OSBPL1A: variants seen among roughly 807,000 people sequenced by gnomAD.
OSBPL1A encodes the protein oxysterol binding protein like 1A.
OSBPL1A carries 80 observed loss-of-function variants against 137.1 expected under a neutral mutation model. The ratio of observed to expected loss-of-function variants is 0.58; its 90% CI spans 0.49 to 0.70. OSBPL1A has a LOEUF of 0.70. Ranked by LOEUF, OSBPL1A falls within the 30% of genes least tolerant of loss-of-function variation. The pLI, the probability that OSBPL1A is intolerant of heterozygous loss-of-function variation, is 0.00. For missense variants in OSBPL1A, 970 were observed against 1,129.4 expected (o/e 0.86, Z 2.02); for synonymous variants, 365 against 389.7 (o/e 0.94, Z 0.75).
At chr18:24,191,511 T>C (rs934008045) in intron 18 of OSBPL1A, among the ~76,000 whole-genome samples, 7 of 145,436 alleles carry the variant, frequency 4.8e-5, no homozygotes, top group Admixed American at 7.2e-5. Context: ...CTAAAACCAA[T>C]TGAAAAAAAT....
chr18:24,309,348 C>G (rs1388410849), intron 13 of OSBPL1A, among the ~76,000 whole-genome samples: 2 of 152,176 alleles, frequency 1.3e-5, no homozygotes, highest in African/African-American at 4.8e-5. Context: ...AACTCACTCT[C>G]TCTCTCTCTT....
chr18:24,254,536 G>A (rs551236051), intron 15 of OSBPL1A, among the ~76,000 whole-genome samples: 5 of 152,176 alleles, frequency 3.3e-5, no homozygotes, highest in African/African-American at 7.2e-5. Flanking sequence ...AATCAATGAC[G>A]CGAGGAATTT....
At chr18:24,357,071 A>G (rs963429966) in intron 4 of OSBPL1A, 7 of 152,290 alleles carry the variant, frequency 4.6e-5, no homozygotes, top group Admixed American at 3.9e-4. Context: ...AGCAAATCAC[A>G]CTGGTCCACT....
At chr18:24,341,717 C>A (rs539633942) in intron 4 of OSBPL1A, 59 bp from the exon 5 acceptor site, 28 of 1,192,156 alleles carry the variant, frequency 2.3e-5, no homozygotes, top group Non-Finnish European at 3.2e-5. Flanking sequence ...CATTACCACC[C>A]TTTTCCAAAT....
At chr18:24,249,297 T>C (rs1007268780) in intron 15 of OSBPL1A, among the ~76,000 whole-genome samples, 11 of 152,172 alleles carry the variant, frequency 7.2e-5, no homozygotes, top group Admixed American at 6.5e-4. Flanking sequence ...ATAATGTATT[T>C]AAAATTTCAA....
intron 16 of OSBPL1A, among the ~76,000 whole-genome samples, chr18:24,236,067 T>C (rs58773653): frequency 0.021 from 3,196 of 152,264 alleles, 116 homozygotes; most frequent in African/African-American, 0.073. Context: ...CTAGAGCCTT[T>C]AGAAGAAACA....
At chr18:24,373,947 A>G (rs141232740) in intron 2 of OSBPL1A, among the ~76,000 whole-genome samples, 288 of 152,182 alleles carry the variant, frequency 1.9e-3, no homozygotes, top group Middle Eastern at 6.8e-3. Flanking sequence ...AAATATTAAC[A>G]TATTTCTCAG....
chr18:24,326,868 T>C (rs2090990014), intron 7 of OSBPL1A, among the ~76,000 whole-genome samples: 1 of 152,166 alleles, frequency 6.6e-6, no homozygotes, highest in Admixed American at 6.5e-5. Context: ...AAACTAAATC[T>C]TTGGACGTTT....
chr18:24,333,072 A>ATCTCC lies in OSBPL1A; in HGVS notation c.494_495insGGAGA (p.Asn165LysfsTer13), dbSNP rs757348804. The ATCTCC allele has an allele frequency of 6.8e-6, 11 of 1,613,718 alleles. No individual in the cohort carries two copies. In the South Asian group the frequency reaches 1.1e-4, roughly 16 times the overall value. On this transcript the variant is annotated frameshift_variant, in exon 7 of 28. Transcript: ENST00000319481. LOFTEE classifies it high-confidence loss of function. ...GATCCGAACAGTTAACATCAGGAGG[A>ATCTCC]TTGGGCCTGTTGAGCTAACAATTAA...
At chr18:24,354,480 G>C (rs1053866732) in intron 4 of OSBPL1A, among the ~76,000 whole-genome samples, 8 of 152,096 alleles carry the variant, frequency 5.3e-5, no homozygotes, top group Non-Finnish European at 1.2e-4. Context: ...ACCGAATTTG[G>C]AAACTGAAGG....
intron 21 of OSBPL1A, among the ~76,000 whole-genome samples, chr18:24,174,080 G>A (rs2086364065): frequency 6.6e-6 from 1 of 152,230 alleles, no homozygotes; most frequent in Non-Finnish European, 1.5e-5. Flanking sequence ...TTTGTGCTGA[G>A]TAGGATTCCG....
At chr18:24,307,528 A>C (rs2090525885) in intron 13 of OSBPL1A, among the ~76,000 whole-genome samples, 1 of 152,224 alleles carries the variant, frequency 6.6e-6, no homozygotes, top group African/African-American at 2.4e-5. Flanking sequence ...AACAAGTGCT[A>C]ATTTCTCATC....
chr18:24,358,395 C>A, intron 4 of OSBPL1A: 2 of 692,904 alleles, frequency 2.9e-6, no homozygotes, highest in Non-Finnish European at 5.2e-6. Context: ...GGCAGCACTA[C>A]TTGACTTGTC....
chr18:24,274,458 G>A (rs2089798493), intron 15 of OSBPL1A, among the ~76,000 whole-genome samples: 1 of 152,164 alleles, frequency 6.6e-6, no homozygotes, highest in Admixed American at 6.5e-5. Context: ...TCAGAACTCA[G>A]GAGAAGTCTG....
chr18:24,201,582 G>T (rs1401819941), intron 17 of OSBPL1A, among the ~76,000 whole-genome samples: 1 of 152,098 alleles, frequency 6.6e-6, no homozygotes, highest in East Asian at 1.9e-4. Context: ...GGCCAACATG[G>T]TGAAACCCCG....
chr18:24,242,316 A>ACAAG (rs58671518), intron 15 of OSBPL1A, among the ~76,000 whole-genome samples: 1 of 147,918 alleles, frequency 6.8e-6, no homozygotes, highest in Non-Finnish European at 1.5e-5. Flanking sequence ...AAACAAACAA[A>ACAAG]AAAGATTCAG....
intron 3 of OSBPL1A, among the ~76,000 whole-genome samples, chr18:24,367,347 A>T (rs1467315235): frequency 2.6e-5 from 4 of 152,022 alleles, no homozygotes. Context: ...TTCACTAAAA[A>T]TCTATACACC....
intron 15 of OSBPL1A, among the ~76,000 whole-genome samples, chr18:24,277,868 G>A (rs1034408314): frequency 2.0e-5 from 3 of 152,116 alleles, no homozygotes; most frequent in African/African-American, 7.2e-5. Context: ...AGTGTTTCAT[G>A]GAGTTGATAA....
intron 7 of OSBPL1A, among the ~76,000 whole-genome samples, chr18:24,329,318 G>A (rs1052022808): frequency 6.6e-6 from 1 of 152,146 alleles, no homozygotes; most frequent in Non-Finnish European, 1.5e-5. Context: ...GGGAGGCTGA[G>A]GCGGGCGGGT....
Sources: gnomAD v4.1 joint callset for allele counts (sites outside exome capture counted in the v4.1 genomes callset) on GRCh38, gnomAD v4.1.1 for gene constraint, MANE v1.5 for transcripts, NCBI Gene and HGNC (gene_info 2026-07-23, HGNC 2026-07-21) for gene names.